Variants in TMEM71 observed in about 807,000 individuals in gnomAD.
TMEM71 encodes the protein transmembrane protein 71.
Under a neutral mutation model 38.0 loss-of-function variants are expected in TMEM71, and 44 were observed. The observed-to-expected ratio is 1.16, with a 90% CI of 0.91 to 1.49. The LOEUF is 1.49. TMEM71 is among the 40% of genes most tolerant of loss of function. The pLI is 0.00. For missense variants in TMEM71, 367 were observed against 348.6 expected, an observed-to-expected ratio of 1.05 and a Z score of -0.42; for synonymous variants, 133 against 122.5, an observed-to-expected ratio of 1.09 and a Z score of -0.56.
chr8:132,736,768 T>A (rs750595661), intron 5 of TMEM71, among the ~76,000 whole-genome samples: 9 of 151,728 alleles, frequency 5.9e-5, no homozygotes, highest in Non-Finnish European at 1.0e-4. Flanking sequence ...GAGGTGGAGG[T>A]TGCAGTAAGC....
intron 5 of TMEM71, among the ~76,000 whole-genome samples, chr8:132,746,127 A>G (rs1828327719): frequency 6.7e-6 from 1 of 150,098 alleles, no homozygotes; most frequent in South Asian, 2.1e-4. Flanking sequence ...CACATAATAT[A>G]CCCAAGTAAC....
intron 7 of TMEM71, among the ~76,000 whole-genome samples, chr8:132,721,804 C>T (rs965963221): frequency 2.6e-5 from 4 of 151,866 alleles, no homozygotes; most frequent in East Asian, 1.9e-4. Context: ...CCAAAGTTCT[C>T]GGATTACAGG....
intron 7 of TMEM71, among the ~76,000 whole-genome samples, chr8:132,720,407 A>G (rs991419626): frequency 2.0e-5 from 3 of 152,244 alleles, no homozygotes; most frequent in African/African-American, 7.2e-5. Flanking sequence ...GAAAACACGA[A>G]GTGAAATAAA....
At chr8:132,746,078 C>G (rs1041349756) in intron 5 of TMEM71, among the ~76,000 whole-genome samples, 2 of 148,452 alleles carry the variant, frequency 1.3e-5, no homozygotes, top group African/African-American at 2.5e-5. Flanking sequence ...ATGCTTAGTA[C>G]CTGGGTGATG....
intron 5 of TMEM71, among the ~76,000 whole-genome samples, chr8:132,736,271 G>C (rs1166887360): frequency 6.6e-6 from 1 of 152,092 alleles, no homozygotes; most frequent in African/African-American, 2.4e-5. Context: ...TTGCCTTGTT[G>C]CTCCAGAAAA....
chr8:132,721,584 T>C (rs1030080239), intron 7 of TMEM71, among the ~76,000 whole-genome samples: 3 of 151,506 alleles, frequency 2.0e-5, no homozygotes, highest in Admixed American at 6.6e-5. Flanking sequence ...TTTGCTCTTG[T>C]TGCCAAGGCT....
the TMEM71 span, among the ~76,000 whole-genome samples, chr8:132,770,141 T>C: frequency 6.6e-6 from 1 of 152,232 alleles, no homozygotes; most frequent in Non-Finnish European, 1.5e-5. Context: ...ATTAGGAATG[T>C]GAATGTTAGG....
chr8:132,713,684 G>T (rs950124528), intron 9 of TMEM71, among the ~76,000 whole-genome samples: 2 of 152,118 alleles, frequency 1.3e-5, no homozygotes, highest in Admixed American at 1.3e-4. Context: ...CTAACACAAA[G>T]GTTTCTTCAG....
At chr8:132,749,985 GC>G (rs1828606009) in intron 4 of TMEM71, among the ~76,000 whole-genome samples, 1 of 143,232 alleles carries the variant, frequency 7.0e-6, no homozygotes. Flanking sequence ...CTGTACTCCA[GC>G]CTGGCGAAAG....
the TMEM71 span, among the ~76,000 whole-genome samples, chr8:132,771,610 A>G: frequency 2.6e-5 from 4 of 151,386 alleles, no homozygotes; most frequent in African/African-American, 9.7e-5. Context: ...TTTATAATAT[A>G]TATGTATTAT....
At chr8:132,765,405 A>T (rs1054299973), upstream of TMEM71, among the ~76,000 whole-genome samples, 12 of 152,146 alleles carry the variant, frequency 7.9e-5, no homozygotes, top group African/African-American at 2.9e-4. Flanking sequence ...CTAGTAGAGG[A>T]GAGGGTGTGG....
rs1169465907 is a variant in TMEM71 at position 132,743,424 on chromosome 8, G to A, written c.487+3518C>T. ...AGTCCTCATCCTATTTACCTTTCTA[G>A]CATGATTTGCCATTGCTGAGTACTC... is the stretch of plus-strand genomic sequence containing the variant. On this transcript the variant is annotated intron_variant, in intron 5 of 9. Coordinates refer to ENST00000677595, the MANE Select transcript of TMEM71 (RefSeq NM_001382403.1). Among the ~76,000 whole-genome samples, 5 of 151,984 alleles carry A rather than the reference G, an allele frequency of 3.3e-5. No homozygotes were observed. The South Asian group carries it at 1.0e-3, about 32-fold the overall frequency.
intron 5 of TMEM71, among the ~76,000 whole-genome samples, chr8:132,737,682 G>A (rs1034640944): frequency 2.6e-5 from 4 of 152,180 alleles, no homozygotes; most frequent in African/African-American, 7.2e-5. Flanking sequence ...AAGTGATGAC[G>A]TGACATGTGG....
At chr8:132,768,151 A>G in the TMEM71 span, among the ~76,000 whole-genome samples, 55 of 152,208 alleles carry the variant, frequency 3.6e-4, no homozygotes, top group Admixed American at 5.9e-4. Flanking sequence ...TTGTAATAAC[A>G]CTGGAATAGT....
chr8:132,733,880 T>C (rs748188871), intron 5 of TMEM71, among the ~76,000 whole-genome samples: 4 of 152,182 alleles, frequency 2.6e-5, no homozygotes, highest in Non-Finnish European at 4.4e-5. Context: ...GAGCACAGTA[T>C]GCCAAGTGAA....
At chr8:132,774,839 T>G in the TMEM71 span, among the ~76,000 whole-genome samples, 1,412 of 152,344 alleles carry the variant, frequency 9.3e-3, 18 homozygotes, top group African/African-American at 0.033. Flanking sequence ...TACACACATC[T>G]TAGTAATATT....
chr8:132,747,191 T>A, intron 4 of TMEM71, 77 bp from the exon 5 acceptor site: 1 of 1,272,516 alleles, frequency 7.9e-7, no homozygotes, highest in Non-Finnish European at 1.1e-6. Flanking sequence ...AAGCGCAGAG[T>A]ACATTTCTAC....
chr8:132,726,056 G>A (rs1418000899), intron 6 of TMEM71, among the ~76,000 whole-genome samples: 1 of 152,166 alleles, frequency 6.6e-6, no homozygotes, highest in African/African-American at 2.4e-5. Context: ...AGATGACAAT[G>A]ACCTAGTGCT....
intron 3 of TMEM71, among the ~76,000 whole-genome samples, chr8:132,753,833 C>G (rs1482381587): frequency 6.6e-6 from 1 of 152,118 alleles, no homozygotes; most frequent in Non-Finnish European, 1.5e-5. Flanking sequence ...TGCTTAGCAC[C>G]TAGTATGGGC....
Sources: gnomAD v4.1 joint callset for allele counts (sites outside exome capture counted in the v4.1 genomes callset) on GRCh38, gnomAD v4.1.1 for gene constraint, MANE v1.5 for transcripts, NCBI Gene and HGNC (gene_info 2026-07-23, HGNC 2026-07-21) for gene names.